DLGAP1: variants seen among roughly 807,000 people sequenced by gnomAD.
DLGAP1 encodes the protein disks large-associated protein 1.
In DLGAP1, 11 loss-of-function variants were observed where a neutral mutation model predicts 90.8. That is an observed-to-expected ratio of 0.12 (90% CI 0.08 to 0.20). The LOEUF (loss-of-function observed/expected upper bound fraction) is 0.20, where lower values mean the gene tolerates loss of function less well. Among genes scored for constraint, DLGAP1 ranks in the 10% least tolerant of loss-of-function variants. DLGAP1 has a pLI of 1.00. For missense variants in DLGAP1, 1,050 were observed against 1,333.8 expected, an observed-to-expected ratio of 0.79 and a Z score of 3.31; for synonymous variants, 558 against 540.7, an observed-to-expected ratio of 1.03 and a Z score of -0.44.
At chr18:3,628,522 G>A (rs534829974) in intron 7 of DLGAP1, among the ~76,000 whole-genome samples, 8 of 152,020 alleles carry the variant, frequency 5.3e-5, no homozygotes, top group East Asian at 3.8e-4. Flanking sequence ...TGAAGATTCC[G>A]AAACCACCAC....
chr18:4,174,052 C>G (rs1164574691), intron 1 of DLGAP1, among the ~76,000 whole-genome samples: 1 of 152,154 alleles, frequency 6.6e-6, no homozygotes, highest in East Asian at 1.9e-4. Context: ...TCTCCTTGAC[C>G]TAGGATTCAC....
At chr18:3,724,375 T>C (rs1266910711) in intron 7 of DLGAP1, among the ~76,000 whole-genome samples, 5 of 152,090 alleles carry the variant, frequency 3.3e-5, no homozygotes, top group African/African-American at 1.2e-4. Context: ...AATGAACCTA[T>C]TTACTCTTTA....
At chr18:3,847,392 C>T (rs181335150) in intron 4 of DLGAP1, among the ~76,000 whole-genome samples, 419 of 152,186 alleles carry the variant, frequency 2.8e-3, no homozygotes, top group Admixed American at 5.8e-3. Context: ...CCACCTGTGC[C>T]GGTGTTTTAT....
At chr18:3,760,625 C>A (rs962512389) in intron 5 of DLGAP1, among the ~76,000 whole-genome samples, 3 of 152,106 alleles carry the variant, frequency 2.0e-5, no homozygotes, top group Non-Finnish European at 4.4e-5. Flanking sequence ...CACATGTGGG[C>A]AAATCACTGT....
intron 1 of DLGAP1, among the ~76,000 whole-genome samples, chr18:4,215,140 C>G (rs566373270): frequency 3.3e-5 from 5 of 152,134 alleles, no homozygotes; most frequent in Admixed American, 6.5e-5. Context: ...TTATCAATAT[C>G]TTATATACCA....
At chr18:3,695,883 C>A (rs148331069) in intron 7 of DLGAP1, among the ~76,000 whole-genome samples, 3,238 of 104,930 alleles carry the variant, frequency 0.031, 119 homozygotes, top group African/African-American at 0.15. Flanking sequence ...CTTCCTTGAG[C>A]AGTGGTTTGT....
intron 1 of DLGAP1, among the ~76,000 whole-genome samples, chr18:4,210,390 T>G (rs931700269): frequency 6.6e-6 from 1 of 152,210 alleles, no homozygotes; most frequent in Non-Finnish European, 1.5e-5. Flanking sequence ...GGAAATGTAC[T>G]CAGCTCATAG....
intron 1 of DLGAP1, among the ~76,000 whole-genome samples, chr18:4,161,337 T>C (rs2076841348): frequency 6.6e-6 from 1 of 152,092 alleles, no homozygotes; most frequent in Admixed American, 6.6e-5. Flanking sequence ...AATGAAAACA[T>C]GTGGTGTTTG....
chr18:4,086,011 GAA>G (rs2075675506), intron 2 of DLGAP1, among the ~76,000 whole-genome samples: 2 of 152,156 alleles, frequency 1.3e-5, no homozygotes, highest in African/African-American at 4.8e-5. Context: ...GGCAGAAACA[GAA>G]AAAGAGGTTG....
intron 2 of DLGAP1, among the ~76,000 whole-genome samples, chr18:4,015,843 A>G (rs1010997810): frequency 2.0e-5 from 3 of 152,216 alleles, no homozygotes; most frequent in African/African-American, 7.2e-5. Flanking sequence ...ATTTTTATTT[A>G]TATCTCTATC....
intron 1 of DLGAP1, among the ~76,000 whole-genome samples, chr18:4,362,623 T>A (rs1031843924): frequency 1.3e-5 from 2 of 152,104 alleles, no homozygotes; most frequent in Non-Finnish European, 2.9e-5. Context: ...AGTTTCAGTT[T>A]TGCAAGATGA....
intron 1 of DLGAP1, among the ~76,000 whole-genome samples, chr18:4,244,049 T>C (rs2078602498): frequency 6.6e-6 from 1 of 152,168 alleles, no homozygotes; most frequent in Admixed American, 6.6e-5. Context: ...TCTGAAGTTG[T>C]AGACATTGTG....
chr18:3,731,879 T>C (rs922187546), intron 6 of DLGAP1, among the ~76,000 whole-genome samples: 1 of 152,132 alleles, frequency 6.6e-6, no homozygotes, highest in Admixed American at 6.6e-5. Context: ...CTGGACACCC[T>C]AGAAGCCCTC....
chr18:3,638,457 C>T (rs2058806023), intron 7 of DLGAP1, among the ~76,000 whole-genome samples: 2 of 152,022 alleles, frequency 1.3e-5, no homozygotes, highest in Admixed American at 1.3e-4. Context: ...TATGATATTG[C>T]CCAGTCTGTT....
chr18:4,344,187 T>C (rs1031832974), intron 1 of DLGAP1, among the ~76,000 whole-genome samples: 1 of 152,214 alleles, frequency 6.6e-6, no homozygotes, highest in South Asian at 2.1e-4. Flanking sequence ...AGTGATAATG[T>C]TAGTAGTAGC....
intron 1 of DLGAP1, among the ~76,000 whole-genome samples, chr18:4,198,484 C>T (rs1173160016): frequency 6.6e-6 from 1 of 152,016 alleles, no homozygotes; most frequent in Non-Finnish European, 1.5e-5. Context: ...TTATTGAGAA[C>T]ATATTTGAAT....
intron 1 of DLGAP1, among the ~76,000 whole-genome samples, chr18:4,202,942 A>AT (rs1331663749): frequency 1.3e-5 from 2 of 152,164 alleles, no homozygotes; most frequent in African/African-American, 4.8e-5. Context: ...ACACAGGCAG[A>AT]TTTTCTCTCT....
At chr18:4,311,769 G>C (rs767694773) in intron 1 of DLGAP1, among the ~76,000 whole-genome samples, 1 of 152,138 alleles carries the variant, frequency 6.6e-6, no homozygotes, top group Non-Finnish European at 1.5e-5. Flanking sequence ...AGGCTGGAGT[G>C]CAGTGGCGCA....
rs530054203 is a variant in DLGAP1, at chr18:4,343,669, G to C, written c.-267+111337C>G. Among the ~76,000 whole-genome samples, 7 of 152,156 alleles carry C rather than the reference G, an allele frequency of 4.6e-5. No individual in the cohort carries two copies. In the South Asian group the frequency reaches 1.5e-3, roughly 32 times the overall value. On this transcript the variant is annotated intron_variant, in intron 1 of 12. Coordinates refer to ENST00000315677, the MANE Select transcript of DLGAP1 (RefSeq NM_004746.4). ...TGTTGGGGGGTCGGGGGCTAGGGGAGGGATAGCATTAGGAGAAATACCTAA... is the reference window on the plus strand; with the variant it reads ...TGTTGGGGGGTCGGGGGCTAGGGGACGGATAGCATTAGGAGAAATACCTAA...
Sources: gnomAD v4.1 joint callset for allele counts (sites outside exome capture counted in the v4.1 genomes callset) on GRCh38, gnomAD v4.1.1 for gene constraint, MANE v1.5 for transcripts, NCBI Gene and HGNC (gene_info 2026-07-23, HGNC 2026-07-21) for gene names.